The following KCND2 variants were observed in gnomAD, a reference collection of about 807,000 sequenced individuals.
KCND2 encodes A-type voltage-gated potassium channel KCND2.
In KCND2, 16 loss-of-function variants were observed where a neutral mutation model predicts 54.4. That is an observed-to-expected ratio of 0.29 (90% CI 0.20 to 0.45). The LOEUF is 0.45. KCND2 is among the 20% of genes least tolerant of loss of function. KCND2 has a pLI of 1.00. For synonymous variants in KCND2, 317 were observed against 310.7 expected (o/e 1.02, Z -0.21); for missense variants, 486 against 824.2 (o/e 0.59, Z 5.02).
At chr7:120,722,949 A>T (rs952703304) in intron 1 of KCND2, among the ~76,000 whole-genome samples, 1 of 152,170 alleles carries the variant, frequency 6.6e-6, no homozygotes, top group Non-Finnish European at 1.5e-5. Context: ...ATAAGAAAAC[A>T]GGCTTATCAA....
intron 1 of KCND2, among the ~76,000 whole-genome samples, chr7:120,502,084 G>C (rs1295455924): frequency 6.6e-6 from 1 of 151,988 alleles, no homozygotes; most frequent in Non-Finnish European, 1.5e-5. Flanking sequence ...TTATTCAGTG[G>C]AAAGAGTTCT....
chr7:120,519,264 C>T (rs914565738), intron 1 of KCND2, among the ~76,000 whole-genome samples: 1 of 152,024 alleles, frequency 6.6e-6, no homozygotes, highest in Non-Finnish European at 1.5e-5. Flanking sequence ...TCGCTTGAAC[C>T]CACGAGACTG....
chr7:120,278,464 T>C (rs898298898), intron 1 of KCND2, among the ~76,000 whole-genome samples: 38 of 151,556 alleles, frequency 2.5e-4, no homozygotes, highest in Admixed American at 2.5e-3. Flanking sequence ...CAATTAGTGA[T>C]AATAGAAGTG....
chr7:120,395,766 A>G (rs879230796), intron 1 of KCND2, among the ~76,000 whole-genome samples: 1 of 152,018 alleles, frequency 6.6e-6, no homozygotes, highest in Admixed American at 6.6e-5. Context: ...GTAAACTGTC[A>G]TGAGGCTGGT....
chr7:120,736,200 T>A (rs1158376417), intron 2 of KCND2, among the ~76,000 whole-genome samples: 2 of 152,062 alleles, frequency 1.3e-5, no homozygotes, highest in African/African-American at 4.8e-5. Flanking sequence ...TTTTAGAAAA[T>A]TCCTATCATC....
intron 1 of KCND2, among the ~76,000 whole-genome samples, chr7:120,442,106 G>A (rs1801953531): frequency 6.6e-6 from 1 of 152,082 alleles, no homozygotes; most frequent in South Asian, 2.1e-4. Flanking sequence ...AAATTCAGAA[G>A]TTCCTGAATC....
Position 120,310,280 on chromosome 7 carries a change from T to C in KCND2, c.1115+34533T>C, listed in dbSNP as rs1799718120. Among the ~76,000 whole-genome samples, 4 of 152,316 alleles carry C rather than the reference T, an allele frequency of 2.6e-5. No individual in the cohort carries two copies. In the South Asian group the frequency reaches 8.3e-4, roughly 32 times the overall value. ...TGTGTTAGTCTAAAATTGCAAAAAT[T>C]ATAGGATAATATGAACAAATACAAT... is the stretch of plus-strand genomic sequence containing the variant. On this transcript the variant is annotated intron_variant, in intron 1 of 5. Transcript: ENST00000331113.
chr7:120,715,531 A>G (rs1562918305), intron 1 of KCND2, among the ~76,000 whole-genome samples: 2 of 152,094 alleles, frequency 1.3e-5, no homozygotes. Flanking sequence ...AAACACAGCT[A>G]AAACAAAATC....
At chr7:120,287,663 A>G (rs1045433825) in intron 1 of KCND2, among the ~76,000 whole-genome samples, 1 of 151,974 alleles carries the variant, frequency 6.6e-6, no homozygotes, top group Non-Finnish European at 1.5e-5. Flanking sequence ...GACCAGCCTG[A>G]CCAGCATAGT....
intron 1 of KCND2, among the ~76,000 whole-genome samples, chr7:120,327,768 A>G (rs1799999716): frequency 2.0e-5 from 3 of 151,526 alleles, no homozygotes; most frequent in Non-Finnish European, 1.5e-5. Flanking sequence ...TTTTTTTTAG[A>G]AAGTTTTAAA....
intron 1 of KCND2, among the ~76,000 whole-genome samples, chr7:120,714,521 A>T (rs964021779): frequency 6.6e-6 from 1 of 152,144 alleles, no homozygotes; most frequent in Non-Finnish European, 1.5e-5. Context: ...TCAGCAGTGT[A>T]TATTAATTTA....
intron 1 of KCND2, among the ~76,000 whole-genome samples, chr7:120,445,446 A>T (rs1802006508): frequency 1.3e-5 from 2 of 152,112 alleles, no homozygotes; most frequent in African/African-American, 4.8e-5. Context: ...CTGTTCACAG[A>T]TTGGGTCTAC....
intron 1 of KCND2, among the ~76,000 whole-genome samples, chr7:120,604,883 A>G (rs1255537315): frequency 6.6e-6 from 1 of 152,170 alleles, no homozygotes; most frequent in Non-Finnish European, 1.5e-5. Context: ...AGAATATTAC[A>G]ACCTATTATT....
intron 1 of KCND2, among the ~76,000 whole-genome samples, chr7:120,600,319 T>C (rs1792798750): frequency 6.6e-6 from 1 of 151,982 alleles, no homozygotes; most frequent in African/African-American, 2.4e-5. Context: ...ATCCAAATAT[T>C]AATTTATTAA....
At chr7:120,620,148 C>T (rs1306975907) in intron 1 of KCND2, among the ~76,000 whole-genome samples, 1 of 151,772 alleles carries the variant, frequency 6.6e-6, no homozygotes, top group African/African-American at 2.4e-5. Context: ...AGTAAATAAC[C>T]TCAAGTAATA....
chr7:120,295,389 C>CAG (rs1799496984), intron 1 of KCND2, among the ~76,000 whole-genome samples: 1 of 127,316 alleles, frequency 7.9e-6, no homozygotes, highest in African/African-American at 3.1e-5. Context: ...CACACACACA[C>CAG]ACAGACACAC....
intron 1 of KCND2, among the ~76,000 whole-genome samples, chr7:120,356,166 A>G (rs1800500928): frequency 6.6e-6 from 1 of 152,148 alleles, no homozygotes. Flanking sequence ...GAGGGCACCT[A>G]ATTTTTTATG....
intron 1 of KCND2, among the ~76,000 whole-genome samples, chr7:120,535,080 T>C (rs1791888155): frequency 6.6e-6 from 1 of 152,152 alleles, no homozygotes; most frequent in Non-Finnish European, 1.5e-5. Flanking sequence ...TGGATGAATC[T>C]CAATAAAACC....
At chr7:120,356,465 A>G (rs1260007092) in intron 1 of KCND2, among the ~76,000 whole-genome samples, 1 of 152,180 alleles carries the variant, frequency 6.6e-6, no homozygotes, top group Non-Finnish European at 1.5e-5. Context: ...TTGAATGATC[A>G]TATGTCCGGC....
Sources: gnomAD v4.1 joint callset for allele counts (sites outside exome capture counted in the v4.1 genomes callset) on GRCh38, gnomAD v4.1.1 for gene constraint, MANE v1.5 for transcripts, NCBI Gene and HGNC (gene_info 2026-07-23, HGNC 2026-07-21) for gene names.